ZHX2: variants seen among roughly 807,000 people sequenced by gnomAD.
ZHX2 encodes zinc fingers and homeoboxes protein 2.
A neutral mutation model predicts 21.9 loss-of-function variants in ZHX2; 6 were observed. The ratio of observed to expected loss-of-function variants is 0.27; its 90% CI spans 0.15 to 0.54. The LOEUF (loss-of-function observed/expected upper bound fraction) is 0.54, where lower values mean the gene tolerates loss of function less well. ZHX2 is among the 20% of genes least tolerant of loss of function. The pLI, the probability that ZHX2 is intolerant of heterozygous loss-of-function variation, is 0.95. For missense variants in ZHX2, 908 were observed against 1,090.7 expected, an observed-to-expected ratio of 0.83 and a Z score of 2.36; for synonymous variants, 434 against 437.1, an observed-to-expected ratio of 0.99 and a Z score of 0.09.
intron 2 of ZHX2, among the ~76,000 whole-genome samples, chr8:122,895,918 C>G (rs1161637644): frequency 6.6e-6 from 1 of 152,176 alleles, no homozygotes; most frequent in East Asian, 1.9e-4. Flanking sequence ...TCAATCAGCT[C>G]ACTCTTATTT....
In ZHX2 at chr8:122,881,912, G is replaced by A. The variant is rs79851933; in HGVS notation, c.-220+18373G>A. On this transcript the variant is annotated intron_variant, in intron 2 of 3. Transcript: ENST00000314393. ...CCCCATTTCCTTAAAACTTTCAACCGGCAAATTTAGTGGCACTGTGCACCC... is the reference window on the plus strand; with the variant it reads ...CCCCATTTCCTTAAAACTTTCAACCAGCAAATTTAGTGGCACTGTGCACCC... Among the ~76,000 whole-genome samples, 14 of 152,102 alleles carry A rather than the reference G, an allele frequency of 9.2e-5. No homozygotes were observed. The East Asian group carries it at 2.5e-3, about 27-fold the overall frequency.
intron 1 of ZHX2, among the ~76,000 whole-genome samples, chr8:122,833,671 G>C (rs535521398): frequency 3.4e-4 from 52 of 152,180 alleles, no homozygotes; most frequent in African/African-American, 1.2e-3. Flanking sequence ...TCTCTGCCTA[G>C]GAGCGGAGTT....
chr8:122,790,909 G>A lies in ZHX2; in HGVS notation c.-283+8963G>A, dbSNP rs371762900. On this transcript the variant is annotated intron_variant, in intron 1 of 3. Transcript: ENST00000314393. ...AGGCATGAGCCACCATGCCTATCCC[G>A]ATGTTGTGATTCTGTTATCCCCATT... Among the ~76,000 whole-genome samples, 13 of 152,198 alleles carry A rather than the reference G, an allele frequency of 8.5e-5. No homozygotes were observed. In the East Asian group the frequency reaches 1.9e-3, roughly 23 times the overall value.
rs2130665676 is a variant in ZHX2 at position 122,828,964 on chromosome 8, T to C, written c.-282-34513T>C. ...TTTTTTCAGTTATTAAAACACTACATTTCACCAAAAAGAAAACATTTACTT... is the reference window on the plus strand; with the variant it reads ...TTTTTTCAGTTATTAAAACACTACACTTCACCAAAAAGAAAACATTTACTT... On this transcript the variant is annotated intron_variant, in intron 1 of 3. Coordinates refer to ENST00000314393, the MANE Select transcript of ZHX2 (RefSeq NM_014943.5). This position sits in a 1 kb window ranked among gnomAD's most constrained non-coding sequence, Gnocchi z 5.2. 1.3e-5 allele frequency among the ~76,000 whole-genome samples: 2 copies of C among 152,304 alleles called. No homozygotes were observed. The highest frequency in any genetic ancestry group is 4.1e-4 in the South Asian group (2 of 4,826).
intron 2 of ZHX2, among the ~76,000 whole-genome samples, chr8:122,883,846 G>T (rs1172830602): frequency 2.0e-5 from 3 of 152,224 alleles, no homozygotes; most frequent in Non-Finnish European, 4.4e-5. Flanking sequence ...GGACGGGTTT[G>T]GCTCTTAATG....
At chr8:122,967,601 G>C (rs566164973) in intron 3 of ZHX2, among the ~76,000 whole-genome samples, 42 of 152,356 alleles carry the variant, frequency 2.8e-4, no homozygotes, top group African/African-American at 9.4e-4. Flanking sequence ...GTTTTGTTTA[G>C]TGCAGTGGTT....
At position 122,951,761 on chromosome 8, in the gene ZHX2, C is replaced by A. The variant is rs1273308504; in HGVS notation, c.251C>A (p.Pro84His). The A allele has an allele frequency of 1.9e-6, 3 of 1,614,044 alleles. No homozygotes were observed. The South Asian group carries it at 3.3e-5, about 18-fold the overall frequency. ...GGTGGTTATGAGTGCAAATACTGCC[C>A]CTACTCCACGCAAAACCTGAACGAG... ...LQGGYECKYC[P>H]YSTQNLNEFT... Residue 84 changes from proline to histidine, a missense_variant, in exon 3 of 4, where the codon CCC becomes CAC. Coordinates refer to ENST00000314393, the MANE Select transcript of ZHX2 (RefSeq NM_014943.5).
chr8:122,951,472 C>A lies in ZHX2; in HGVS notation c.-39C>A. 2 of 1,544,604 alleles carry A rather than the reference C, an allele frequency of 1.3e-6. No homozygotes were observed. The highest frequency in any genetic ancestry group is 2.7e-5 in the African/African-American group (2 of 73,360). ...AAGAATCTCACCGCCCCCTCCTTAT[C>A]CCCCTCCAAAAATAAGCCATTGCAC... is the stretch of plus-strand genomic sequence containing the variant. On this transcript the variant is annotated 5_prime_UTR_variant, in exon 3 of 4. Transcript: ENST00000314393.
chr8:122,838,472 A>T (rs1818551040), intron 1 of ZHX2, among the ~76,000 whole-genome samples: 1 of 152,156 alleles, frequency 6.6e-6, no homozygotes, highest in South Asian at 2.1e-4. Context: ...GTTCAACAAG[A>T]GGTGAATAGT....
At chr8:122,910,332 C>T (rs1820447935) in intron 2 of ZHX2, among the ~76,000 whole-genome samples, 3 of 152,086 alleles carry the variant, frequency 2.0e-5, no homozygotes, top group Admixed American at 6.5e-5. Context: ...TGACATGCCC[C>T]AAAACACAGC....
intron 2 of ZHX2, among the ~76,000 whole-genome samples, chr8:122,891,516 G>T (rs564647064): frequency 1.4e-4 from 21 of 152,130 alleles, no homozygotes; most frequent in African/African-American, 4.8e-4. Context: ...TGTATCATTA[G>T]ATTGTTTATT....
intron 2 of ZHX2, among the ~76,000 whole-genome samples, chr8:122,901,386 T>A (rs1820226721): frequency 6.6e-6 from 1 of 152,134 alleles, no homozygotes; most frequent in East Asian, 1.9e-4. Context: ...GCTTCAGTGG[T>A]TTTGAGGTGA....
intron 2 of ZHX2, among the ~76,000 whole-genome samples, chr8:122,875,165 A>T (rs1399213741): frequency 1.0e-3 from 46 of 45,984 alleles, no homozygotes; most frequent in African/African-American, 4.2e-3. Context: ...ATATATATAT[A>T]TATATATATA....
intron 2 of ZHX2, among the ~76,000 whole-genome samples, chr8:122,944,772 C>T (rs1812928331): frequency 6.6e-6 from 1 of 152,166 alleles, no homozygotes; most frequent in Non-Finnish European, 1.5e-5. Flanking sequence ...CAGTGCCCTG[C>T]CCAACAGTTG....
intron 2 of ZHX2, among the ~76,000 whole-genome samples, chr8:122,869,669 CCG>C (rs1819384968): frequency 1.3e-5 from 2 of 152,242 alleles, no homozygotes; most frequent in South Asian, 4.1e-4. Context: ...CTCTGAGCAT[CCG>C]TGGATCTTAC....
At chr8:122,802,814 A>G (rs1003674944) in intron 1 of ZHX2, among the ~76,000 whole-genome samples, 15 of 152,064 alleles carry the variant, frequency 9.9e-5, no homozygotes, top group African/African-American at 3.6e-4. Flanking sequence ...CTGCCCTTCC[A>G]CGCTTCTCTG....
intron 2 of ZHX2, among the ~76,000 whole-genome samples, chr8:122,900,426 A>G (rs1820201119): frequency 6.6e-6 from 1 of 152,146 alleles, no homozygotes; most frequent in East Asian, 1.9e-4. Context: ...GAGGGAGGAC[A>G]TTAATCTATT....
intron 1 of ZHX2, among the ~76,000 whole-genome samples, chr8:122,841,606 T>C (rs1174812114): frequency 1.3e-5 from 2 of 152,146 alleles, no homozygotes; most frequent in Non-Finnish European, 2.9e-5. Flanking sequence ...TGAGTTCACA[T>C]TTAGCAGGCA....
rs758121436 is a variant in ZHX2 at position 122,952,710 on chromosome 8, C to T, written c.1200C>T (p.Val400=). ...CSPITLAVAG[V]TNHGQKRPLV... is the part of the protein sequence containing the mutation. ...CCATCACACTTGCCGTGGCAGGAGT[C>T]ACCAACCATGGCCAGAAGAGACCCT... The change falls in exon 3 of 4, where the codon GTC becomes GTT. Residue 400 remains valine, a synonymous_variant. Coordinates refer to ENST00000314393, the MANE Select transcript of ZHX2 (RefSeq NM_014943.5). The surrounding 1 kb of genome is among the most constrained non-coding windows in gnomAD (Gnocchi z 6.9). The T allele has an allele frequency of 1.2e-6, 2 of 1,614,010 alleles. No homozygotes were observed. Among genetic ancestry groups the T allele is most frequent in the Non-Finnish European group, 1.7e-6 (2 of 1,180,030 alleles).
Sources: gnomAD v4.1 joint callset for allele counts (sites outside exome capture counted in the v4.1 genomes callset) on GRCh38, gnomAD v4.1.1 for gene constraint, Gnocchi (gnomAD v3.1) non-coding constraint, MANE v1.5 for transcripts, NCBI Gene and HGNC (gene_info 2026-07-23, HGNC 2026-07-21) for gene names.